The following MPZ variants were observed in gnomAD, a reference collection of about 807,000 sequenced individuals.
The protein encoded by MPZ is myelin protein P0.
Under a neutral mutation model 27.9 loss-of-function variants are expected in MPZ, and 13 were observed. The observed-to-expected ratio is 0.47, with a 90% CI of 0.30 to 0.74. The LOEUF (loss-of-function observed/expected upper bound fraction) is 0.74, where lower values mean the gene tolerates loss of function less well. Among genes scored for constraint, MPZ ranks in the 30% least tolerant of loss-of-function variants. The probability of loss-of-function intolerance (pLI) is 0.06; values close to 1 mark genes in which losing one functional copy is unlikely to be tolerated. For missense variants in MPZ, 256 were observed against 317.5 expected, an observed-to-expected ratio of 0.81 and a Z score of 1.47; for synonymous variants, 118 against 128.9, an observed-to-expected ratio of 0.92 and a Z score of 0.57.
At chr1:161,309,552 A>ATATATATATATATATATATATT in intron 1 of MPZ, among the ~76,000 whole-genome samples, 3 of 80,630 alleles carry the variant, frequency 3.7e-5, no homozygotes, top group African/African-American at 5.8e-5. Context: ...ATATATATAT[A>ATATATATATATATATATATATT]TTTTTTTTTT....
intron 2 of MPZ, 85 bp downstream of exon 2, chr1:161,307,173 C>T (rs1220630909): frequency 1.7e-5 from 26 of 1,549,022 alleles, no homozygotes; most frequent in Non-Finnish European, 2.3e-5. Flanking sequence ...AAAAGGATTT[C>T]CCCCTCCTTA....
At position 161,305,929 on chromosome 1, in the gene MPZ, C is replaced by G; in HGVS notation, c.694G>C (p.Val232Leu). ...AGCCCCTTGGCCTTCTTCTCACTGA[C>G]AGCTTTGGTGCTTCTGCTGTGGTCC... ...MLDHSRSTKA[V>L]SEKKAKGLGE... Residue 232 changes from valine to leucine, a missense_variant, in exon 6 of 6, where the codon GTC (valine) becomes CTC (leucine). Physicochemically the swap from Val to Leu is conservative, Grantham distance 32. Transcript: ENST00000533357. 1 of 1,614,042 alleles carries G rather than the reference C, an allele frequency of 6.2e-7. No individual in the cohort carries two copies. The highest frequency in any genetic ancestry group is 8.5e-7 in the Non-Finnish European group (1 of 1,179,994).
At chr1:161,306,550 A>G in intron 3 of MPZ, 86 bp from the exon 4 acceptor site, 1 of 1,586,544 alleles carries the variant, frequency 6.3e-7, no homozygotes, top group Non-Finnish European at 8.7e-7. Context: ...TGCATTGAGG[A>G]TGTAGGACTC....
intron 2 of MPZ, 71 bp downstream of exon 2, chr1:161,307,187 C>T: frequency 6.3e-7 from 1 of 1,594,762 alleles, no homozygotes; most frequent in South Asian, 1.1e-5. Context: ...CTCCTTAGCC[C>T]AAGTTATCTT....
rs1670359930 is a variant in MPZ, at chr1:161,309,864, C to T, written c.42G>A (p.Leu14=). ...CCAAAGAAGAGAAGAGCAGCACAGC[C>T]AGGATAGGGCTGGGGCTGGATGAGG... ...GAPSSSPSPI[L]AVLLFSSLVL... The change falls in exon 1 of 6, where the codon CTG becomes CTA. Residue 14 remains leucine, a synonymous_variant. Coordinates refer to ENST00000533357, the MANE Select transcript of MPZ (RefSeq NM_000530.8). 5 of 1,588,240 alleles carry T rather than the reference C, an allele frequency of 3.1e-6. No homozygotes were observed. Among genetic ancestry groups the T allele is most frequent in the Non-Finnish European group, 4.3e-6 (5 of 1,168,358 alleles).
chr1:161,306,220 C>T, intron 4 of MPZ, 52 bp from the exon 5 acceptor site: 2 of 1,612,112 alleles, frequency 1.2e-6, no homozygotes, highest in Non-Finnish European at 1.7e-6. Flanking sequence ...CCCCTTGCAC[C>T]GCGGACACAG....
rs149637045 is a variant in MPZ, at chr1:161,309,855, C to T, written c.51G>A (p.Leu17=). The T allele has an allele frequency of 2.9e-5, 46 of 1,585,776 alleles. No individual in the cohort carries two copies. In the African/African-American group the frequency reaches 6.2e-4, roughly 21 times the overall value. Residue 17 remains leucine, a synonymous_variant, in exon 1 of 6, where the codon CTG becomes CTA. Transcript: ENST00000533357. Reference sequence around the variant, plus strand: ...TCCACTTACCCAAAGAAGAGAAGAGCAGCACAGCCAGGATAGGGCTGGGGC... The same window carrying T: ...TCCACTTACCCAAAGAAGAGAAGAGTAGCACAGCCAGGATAGGGCTGGGGC... The part of the protein sequence containing the change: ...SSSPSPILAV[L]LFSSLVLSPA...
At chr1:161,309,552 A>ATATATATATATATATATATTT in intron 1 of MPZ, among the ~76,000 whole-genome samples, 1 of 80,644 alleles carries the variant, frequency 1.2e-5, no homozygotes, top group Non-Finnish European at 2.4e-5. Context: ...ATATATATAT[A>ATATATATATATATATATATTT]TTTTTTTTTT....
In MPZ at chr1:161,306,132, C is replaced by A; in HGVS notation, c.621G>T (p.Lys207Asn). The A allele has an allele frequency of 6.2e-7, 1 of 1,614,250 alleles. No individual in the cohort carries two copies. The highest frequency in any genetic ancestry group is 2.2e-5 in the East Asian group (1 of 44,886). Residue 207 changes from lysine to asparagine, a missense_variant, in exon 5 of 6, where the codon AAG (lysine) becomes AAT (asparagine). By Grantham distance (94) the Lys-to-Asn change is moderately conservative. Around this residue, in one of 2 missense-constraint regions of MPZ, gnomAD observed 101 missense variants for 93.6 expected, o/e 1.08. Transcript: ENST00000533357. ...MEKGKLHKPG[K>N]DASKRGRQTP... Reference sequence around the variant, plus strand: ...CCTGCCGCCCGCGCTTCGACGCGTCCTTTCCTGGCTTGTGCAATTTCCCCT... The same window carrying A: ...CCTGCCGCCCGCGCTTCGACGCGTCATTTCCTGGCTTGTGCAATTTCCCCT...
In MPZ at chr1:161,305,710, T is replaced by A; in HGVS notation, c.*166A>T. 2 of 599,858 alleles carry A rather than the reference T, an allele frequency of 3.3e-6. No homozygotes were observed. The highest frequency in any genetic ancestry group is 5.9e-6 in the Non-Finnish European group (2 of 337,092). 37.2% of individuals were successfully genotyped at this position (599,858 alleles called of 1,614,324 possible). A position where few individuals can be genotyped will look rare whatever the true frequency, so the allele number is the denominator to read the frequency against. On this transcript the variant is annotated 3_prime_UTR_variant, in exon 6 of 6. Transcript: ENST00000533357. The stretch of plus-strand genomic sequence containing the variant: ...CACTTGTCCGAGTTCAGGCCCATCA[T>A]GTTCTTGAGGGCGTTTTTGAGGCTG...
downstream of MPZ, among the ~76,000 whole-genome samples, chr1:161,303,767 T>C (rs1222490283): frequency 2.0e-5 from 3 of 152,254 alleles, no homozygotes; most frequent in Non-Finnish European, 4.4e-5. Context: ...CCCAACTTTA[T>C]TACTGGGTTG....
rs952156957 is a variant in MPZ at position 161,305,868 on chromosome 1, G to A, written c.*8C>T. On this transcript the variant is annotated 3_prime_UTR_variant, in exon 6 of 6. Coordinates refer to ENST00000533357, the MANE Select transcript of MPZ (RefSeq NM_000530.8). ...TAACCCCCGATCCCCCGCCCGGCCC[G>A]CTAACCGCTATTTCTTATCCTTGCG... 1 of 1,196,334 alleles carries A rather than the reference G, an allele frequency of 8.4e-7. No homozygotes were observed. The highest frequency in any genetic ancestry group is 1.2e-6 in the Non-Finnish European group (1 of 845,230). 74.1% of individuals were successfully genotyped at this position (1,196,334 alleles called of 1,614,324 possible). A position where few individuals can be genotyped will look rare whatever the true frequency, so the allele number is the denominator to read the frequency against.
Position 161,305,680 on chromosome 1 carries a change from G to A in MPZ, c.*196C>T. 1 of 591,272 alleles carries A rather than the reference G, an allele frequency of 1.7e-6. No individual in the cohort carries two copies. Among genetic ancestry groups the A allele is most frequent in the Non-Finnish European group, 3.0e-6 (1 of 332,746 alleles). 36.6% of individuals were successfully genotyped at this position (591,272 alleles called of 1,614,324 possible). A position where few individuals can be genotyped will look rare whatever the true frequency, so the allele number is the denominator to read the frequency against. ...TGGCAGGGCCTGGGGTGGGGGGGTGGCGATCACTTGTCCGAGTTCAGGCCC... is the reference window on the plus strand; with the variant it reads ...TGGCAGGGCCTGGGGTGGGGGGGTGACGATCACTTGTCCGAGTTCAGGCCC... On this transcript the variant is annotated 3_prime_UTR_variant, in exon 6 of 6. Transcript: ENST00000533357.
chr1:161,309,079 A>G (rs1020640528), intron 1 of MPZ, among the ~76,000 whole-genome samples: 22 of 152,186 alleles, frequency 1.4e-4, no homozygotes, highest in Non-Finnish European at 5.9e-5. Flanking sequence ...TACTCACCCA[A>G]CATCTGCCAG....
intron 5 of MPZ, 37 bp from the exon 6 acceptor site, chr1:161,306,014 T>C (rs1347518573): frequency 1.2e-6 from 2 of 1,609,522 alleles, no homozygotes; most frequent in South Asian, 2.2e-5. Flanking sequence ...ACCGAGCGAC[T>C]GGGGCTTGAC....
At chr1:161,308,372 C>T (rs2102261035) in intron 1 of MPZ, among the ~76,000 whole-genome samples, 1 of 152,286 alleles carries the variant, frequency 6.6e-6, no homozygotes, top group East Asian at 1.9e-4. Context: ...TTCCTCTTGG[C>T]CACTGTGGCC....
Position 161,305,553 on chromosome 1 carries a change from A to T in MPZ, c.*323T>A. 1 of 362,458 alleles carries T rather than the reference A, an allele frequency of 2.8e-6. No homozygotes were observed. The highest frequency in any genetic ancestry group is 5.4e-5 in the East Asian group (1 of 18,564). The allele number at this position is 362,458 out of a possible 1,614,324, so 22.5% of individuals were successfully genotyped here. A position where few individuals can be genotyped will look rare whatever the true frequency, so the allele number is the denominator to read the frequency against. ...AATTGCCTGGGGAATGAATTCTGGA[A>T]TGAAACTTACATCTCAAAGGGAGGT... is the stretch of plus-strand genomic sequence containing the variant. On this transcript the variant is annotated 3_prime_UTR_variant, in exon 6 of 6. Transcript: ENST00000533357.
In MPZ at chr1:161,306,415, G is replaced by T. The variant is rs1224818819; in HGVS notation, c.498C>A (p.Leu166=). 6.2e-7 allele frequency: 1 copy of T among 1,614,138 alleles called. No individual in the cohort carries two copies. Among genetic ancestry groups the T allele is most frequent in the Admixed American group, 1.7e-5 (1 of 60,012 alleles). The change falls in exon 4 of 6, where the codon CTC becomes CTA. Residue 166 remains leucine (L), a synonymous_variant. Transcript: ENST00000533357. ...GCAGCAGCAGCAACAGCACCACCCCGAGGACACCCCCGATCACAGCTCCCA... is the reference window on the plus strand; with the variant it reads ...GCAGCAGCAGCAACAGCACCACCCCTAGGACACCCCCGATCACAGCTCCCA... The part of the protein sequence containing the change: ...VVLGAVIGGV[L]GVVLLLLLLF...
In MPZ at chr1:161,305,063, G is replaced by A. The variant is rs1488137755; in HGVS notation, c.*813C>T. 2 of 152,754 alleles carry A rather than the reference G, an allele frequency of 1.3e-5. No individual in the cohort carries two copies. The highest frequency in any genetic ancestry group is 2.9e-5 in the Non-Finnish European group (2 of 68,158). 9.5% of individuals were successfully genotyped at this position (152,754 alleles called of 1,614,324 possible). A position where few individuals can be genotyped will look rare whatever the true frequency, so the allele number is the denominator to read the frequency against. ...TGCTATACTGAAGTGTGAGGATCAG[G>A]GGCCCCTCTACTTGGGCTGGCTCTT... On this transcript the variant is annotated 3_prime_UTR_variant, in exon 6 of 6. Transcript: ENST00000533357.
Sources: allele counts gnomAD v4.1 joint callset (sites outside exome capture counted in the v4.1 genomes callset), GRCh38; gene constraint gnomAD v4.1.1; regional missense constraint gnomAD v4.1.1; transcripts MANE v1.5; gene names NCBI Gene and HGNC (gene_info 2026-07-23, HGNC 2026-07-21).